The following MIPEP variants were observed in gnomAD, a reference collection of about 807,000 sequenced individuals.
MIPEP encodes the protein mitochondrial intermediate peptidase.
Under a neutral mutation model 90.3 loss-of-function variants are expected in MIPEP, and 79 were observed. That is an observed-to-expected ratio of 0.87 (90% CI 0.73 to 1.05). The LOEUF (loss-of-function observed/expected upper bound fraction) is 1.05, where lower values mean the gene tolerates loss of function less well. MIPEP is among the 50% of genes least tolerant of loss of function. The probability of loss-of-function intolerance (pLI) is 0.00; values close to 1 mark genes in which losing one functional copy is unlikely to be tolerated. For missense variants in MIPEP, 940 were observed against 905.6 expected (o/e 1.04, Z -0.49); for synonymous variants, 334 against 315.8 (o/e 1.06, Z -0.61).
intron 16 of MIPEP, among the ~76,000 whole-genome samples, chr13:23,783,300 T>C (rs1323813719): frequency 4.6e-5 from 7 of 152,242 alleles, no homozygotes; most frequent in African/African-American, 1.4e-4. Flanking sequence ...GTTCAACATA[T>C]GCAAATCAAT....
intron 14 of MIPEP, among the ~76,000 whole-genome samples, chr13:23,832,734 A>G (rs2148241): frequency 0.99 from 150,718 of 152,322 alleles, 74,601 homozygotes; most frequent in East Asian, 1. Flanking sequence ...TCAGACTGTT[A>G]ATCCATGTTA....
intron 18 of MIPEP, among the ~76,000 whole-genome samples, chr13:23,731,229 T>C (rs1952201052): frequency 6.6e-6 from 1 of 152,216 alleles, no homozygotes; most frequent in East Asian, 1.9e-4. Context: ...ATATTTACTT[T>C]GGGAGATGAA....
intron 14 of MIPEP, among the ~76,000 whole-genome samples, chr13:23,835,800 G>T (rs1451310095): frequency 6.6e-6 from 1 of 152,178 alleles, no homozygotes; most frequent in Non-Finnish European, 1.5e-5. Flanking sequence ...GAGATGCTAA[G>T]CATACTGGCA....
At chr13:23,879,883 T>C (rs780364723) in intron 3 of MIPEP, among the ~76,000 whole-genome samples, 1 of 152,128 alleles carries the variant, frequency 6.6e-6, no homozygotes, top group Non-Finnish European at 1.5e-5. Context: ...GAATGAACCA[T>C]GGCCACTGTT....
At chr13:23,742,504 C>T (rs1952341726) in intron 18 of MIPEP, among the ~76,000 whole-genome samples, 1 of 152,176 alleles carries the variant, frequency 6.6e-6, no homozygotes, top group African/African-American at 2.4e-5. Context: ...AAATAAGATA[C>T]AGCATTTAAC....
chr13:23,749,648 C>T (rs1288990606), intron 18 of MIPEP, among the ~76,000 whole-genome samples: 3 of 152,068 alleles, frequency 2.0e-5, no homozygotes, highest in South Asian at 4.2e-4. Context: ...TCGCAGTGGC[C>T]GAATTGCATA....
At chr13:23,862,269 T>A in intron 9 of MIPEP, 33 bp downstream of exon 9, 3 of 1,270,080 alleles carry the variant, frequency 2.4e-6, no homozygotes, top group Non-Finnish European at 3.4e-6. Flanking sequence ...ACAGACTGTC[T>A]ATATTATAAT....
chr13:23,888,239 C>T (rs578033550), intron 1 of MIPEP: 2 of 285,650 alleles, frequency 7.0e-6, no homozygotes, highest in East Asian at 1.0e-4. Flanking sequence ...CACTACATAC[C>T]CTTAAGGAAG....
At chr13:23,780,855 T>C (rs1952774275) in intron 16 of MIPEP, among the ~76,000 whole-genome samples, 1 of 152,080 alleles carries the variant, frequency 6.6e-6, no homozygotes, top group Non-Finnish European at 1.5e-5. Context: ...AGGGTATCAG[T>C]GATTAAAGAT....
At chr13:23,873,825 T>C (rs928018208) in intron 5 of MIPEP, among the ~76,000 whole-genome samples, 8 of 152,282 alleles carry the variant, frequency 5.3e-5, no homozygotes, top group South Asian at 2.1e-4. Context: ...CCTTAGGCAA[T>C]GTGAGTTTAC....
chr13:23,778,343 C>T (rs888535308), intron 16 of MIPEP, among the ~76,000 whole-genome samples: 2 of 152,128 alleles, frequency 1.3e-5, no homozygotes, highest in Non-Finnish European at 1.5e-5. Context: ...TAAATATATA[C>T]ATTACAAATC....
In MIPEP at chr13:23,730,393, G is replaced by A. The variant is rs572929322; in HGVS notation, c.2097C>T (p.Ser699=). 1.7e-5 allele frequency: 27 copies of A among 1,612,570 alleles called. No homozygotes were observed. Among genetic ancestry groups the A allele is most frequent in the African/African-American group, 9.4e-5 (7 of 74,844 alleles). Residue 699 remains serine, a synonymous_variant, in exon 19 of 19, where the codon TCC becomes TCT. Transcript: ENST00000382172. ...AAGTTTCGAAGTCCAGATCCAAGTCGGAAACGAGGGCACTTACGAAGTCAT... is the reference window on the plus strand; with the variant it reads ...AAGTTTCGAAGTCCAGATCCAAGTCAGAAACGAGGGCACTTACGAAGTCAT... ...SVDDFVSALV[S]DLDLDFETFL... is the part of the protein sequence containing the mutation.
intron 18 of MIPEP, among the ~76,000 whole-genome samples, chr13:23,746,420 G>A (rs996394299): frequency 2.0e-5 from 3 of 151,702 alleles, no homozygotes; most frequent in African/African-American, 7.3e-5. Flanking sequence ...AATCACTTGA[G>A]GTCAGGAGTT....
chr13:23,760,648 C>T (rs969081480), intron 16 of MIPEP: 24 of 493,546 alleles, frequency 4.9e-5, no homozygotes, highest in African/African-American at 4.7e-4. Flanking sequence ...TTGGTCTGGA[C>T]TTCCAGCCTC....
chr13:23,766,126 G>A (rs1027320817), intron 16 of MIPEP: 10 of 152,182 alleles, frequency 6.6e-5, no homozygotes, highest in African/African-American at 2.4e-4. Flanking sequence ...ATACTATGGT[G>A]TTAAAAACAA....
chr13:23,760,216 G>T lies in MIPEP; in HGVS notation c.1850C>A (p.Ala617Asp). The T allele has an allele frequency of 6.2e-7, 1 of 1,613,984 alleles. No homozygotes were observed. The highest frequency in any genetic ancestry group is 8.5e-7 in the Non-Finnish European group (1 of 1,179,992). Residue 617 changes from alanine (A) to aspartate (D), a missense_variant and splice_region_variant, in exon 17 of 19, where the codon GCC (alanine) becomes GAC (aspartate). By Grantham distance (126) the Ala-to-Asp change is moderately radical. Coordinates refer to ENST00000382172, the MANE Select transcript of MIPEP (RefSeq NM_005932.4). ...FYGLPYVPNT[A>D]WQLRFSHLVG... ...GAGGTGGCTGAATCGCAGCTGCCAG[G>T]CCTGCCAAGAACAGAGAGACACAGC...
intron 16 of MIPEP, among the ~76,000 whole-genome samples, chr13:23,781,197 C>T (rs1952778938): frequency 6.6e-6 from 1 of 152,078 alleles, no homozygotes; most frequent in Non-Finnish European, 1.5e-5. Context: ...TTAAGGGCAG[C>T]CAGAGAGAAA....
chr13:23,889,159 G>T lies in MIPEP; in HGVS notation c.162C>A (p.Ser54Arg). 2 of 1,462,636 alleles carry T rather than the reference G, an allele frequency of 1.4e-6. No individual in the cohort carries two copies. Among genetic ancestry groups the T allele is most frequent in the African/African-American group, 1.5e-5 (1 of 67,456 alleles). 90.6% of individuals were successfully genotyped at this position (1,462,636 alleles called of 1,614,324 possible). ...GAAFNVKPQG[S>R]RLDLFGERRG... ...GGCGCTCGCCGAACAGGTCCAAGCG[G>T]CTGCCCTGGGGCTTGACATTGAAGG... Residue 54 changes from serine to arginine, a missense_variant, in exon 1 of 19, where the codon AGC (serine) becomes AGA (arginine). Coordinates refer to ENST00000382172, the MANE Select transcript of MIPEP (RefSeq NM_005932.4).
chr13:23,879,448 C>T, intron 3 of MIPEP, 94 bp from the exon 4 acceptor site: 1 of 683,704 alleles, frequency 1.5e-6, no homozygotes, highest in Non-Finnish European at 2.6e-6. Context: ...GTACCACACA[C>T]ATGCCCAGAA....
Sources: allele counts gnomAD v4.1 joint callset (sites outside exome capture counted in the v4.1 genomes callset), GRCh38; gene constraint gnomAD v4.1.1; transcripts MANE v1.5; gene names NCBI Gene and HGNC (gene_info 2026-07-23, HGNC 2026-07-21).